ARMC9: variants seen among roughly 807,000 people sequenced by gnomAD.
ARMC9 encodes armadillo repeat containing 9.
In ARMC9, 94 loss-of-function variants were observed where a neutral mutation model predicts 107.0. The ratio of observed to expected loss-of-function variants is 0.88; its 90% confidence interval spans 0.74 to 1.04. The LOEUF (loss-of-function observed/expected upper bound fraction) is 1.04. Among genes scored for constraint, ARMC9 ranks in the 50% least tolerant of loss-of-function variants. The pLI is 0.00. For missense variants in ARMC9, 942 were observed against 1,030.1 expected, an observed-to-expected ratio of 0.91 and a Z score of 1.17; for synonymous variants, 380 against 396.9, an observed-to-expected ratio of 0.96 and a Z score of 0.51.
intron 12 of ARMC9, among the ~76,000 whole-genome samples, chr2:231,262,706 G>A (rs1352256925): frequency 6.6e-6 from 1 of 152,160 alleles, no homozygotes; most frequent in Non-Finnish European, 1.5e-5. Context: ...TGACTTCAGA[G>A]GGACAAGGTA....
intron 9 of ARMC9, among the ~76,000 whole-genome samples, chr2:231,250,822 G>A (rs918155026): frequency 7.9e-5 from 12 of 152,194 alleles, no homozygotes; most frequent in African/African-American, 2.9e-4. Flanking sequence ...CAGAGCAAAT[G>A]TGGACTTTGG....
intron 20 of ARMC9, among the ~76,000 whole-genome samples, chr2:231,332,418 C>T (rs988626929): frequency 5.3e-5 from 8 of 152,022 alleles, no homozygotes; most frequent in Non-Finnish European, 8.8e-5. Flanking sequence ...GTAGTCACTG[C>T]GTCTTCAGGA....
At chr2:231,295,447 A>G (rs2041292070) in intron 18 of ARMC9, 1 of 152,512 alleles carries the variant, frequency 6.6e-6, no homozygotes, top group African/African-American at 2.4e-5. Flanking sequence ...AGGAGAAAGT[A>G]CCAACACCTC....
chr2:231,366,214 T>G (rs1317721457), intron 23 of ARMC9, among the ~76,000 whole-genome samples: 1 of 148,324 alleles, frequency 6.7e-6, no homozygotes, highest in Non-Finnish European at 1.5e-5. Context: ...TCAGGGAATA[T>G]CAGTCTTTTT....
In ARMC9 at chr2:231,367,078, A is replaced by C. The variant is rs571102887; in HGVS notation, c.2262-2875A>C. On this transcript the variant is annotated intron_variant, in intron 23 of 24. Transcript: ENST00000611582. Reference sequence around the variant, plus strand: ...TGTTAGCCAGGATGGTCTCGATCTCATGACCTCGTGATCCCCCCGCCTCGG... The same window carrying C: ...TGTTAGCCAGGATGGTCTCGATCTCCTGACCTCGTGATCCCCCCGCCTCGG... Among the ~76,000 whole-genome samples, 396 of 151,444 alleles carry C rather than the reference A, an allele frequency of 2.6e-3. 1 individual carries two copies. Among genetic ancestry groups the C allele is most frequent in the African/African-American group, 9.0e-3 (372 of 41,374 alleles).
Position 231,279,997 on chromosome 2 carries a change from C to T in ARMC9, c.1551+1539C>T, listed in dbSNP as rs562689816. Among the ~76,000 whole-genome samples the T allele has an allele frequency of 8.5e-5, 13 of 152,330 alleles. No homozygotes were observed. In the South Asian group the frequency reaches 2.3e-3, roughly 27 times the overall value. On this transcript the variant is annotated intron_variant, in intron 16 of 24. Coordinates refer to ENST00000611582, the MANE Select transcript of ARMC9 (RefSeq NM_001352754.2). ...CCAGGCCTGAATGAACTCTGTTCCTCACTTTATTCAACTCAGGCAGGTGAA... is the reference window on the plus strand; with the variant it reads ...CCAGGCCTGAATGAACTCTGTTCCTTACTTTATTCAACTCAGGCAGGTGAA...
intron 9 of ARMC9, among the ~76,000 whole-genome samples, chr2:231,252,074 T>C (rs1486480541): frequency 6.6e-6 from 1 of 152,212 alleles, no homozygotes; most frequent in Non-Finnish European, 1.5e-5. Context: ...TTACTGCTTT[T>C]CAACCAGTTT....
chr2:231,217,270 T>C (rs915971865), intron 5 of ARMC9, among the ~76,000 whole-genome samples: 5 of 152,346 alleles, frequency 3.3e-5, no homozygotes, highest in African/African-American at 1.2e-4. Context: ...TTTAGGCATA[T>C]GTGTACCAGT....
intron 16 of ARMC9, among the ~76,000 whole-genome samples, chr2:231,280,936 A>G (rs1400219886): frequency 1.3e-5 from 2 of 152,170 alleles, no homozygotes; most frequent in Non-Finnish European, 2.9e-5. Flanking sequence ...TTTTTTACCC[A>G]TCAGCTTGGC....
At chr2:231,207,795 T>C (rs1559286050) in intron 2 of ARMC9, among the ~76,000 whole-genome samples, 1 of 152,238 alleles carries the variant, frequency 6.6e-6, no homozygotes, top group African/African-American at 2.4e-5. Context: ...TTTTATTTTT[T>C]TGAGGAACCT....
intron 21 of ARMC9, among the ~76,000 whole-genome samples, chr2:231,353,980 TACACACACACACACACACACAC>T (rs35433958): frequency 7.4e-5 from 10 of 135,292 alleles, no homozygotes; most frequent in African/African-American, 2.5e-4. Context: ...TATGTATATA[TACACACACACACACACACACAC>T]ACACACACAC....
At chr2:231,248,193 G>A (rs1179909671) in intron 9 of ARMC9, among the ~76,000 whole-genome samples, 2 of 152,158 alleles carry the variant, frequency 1.3e-5, no homozygotes, top group Admixed American at 6.5e-5. Context: ...CCTTTGCCTG[G>A]TAATGGGATC....
At chr2:231,215,649 G>A (rs2033416709) in intron 4 of ARMC9, among the ~76,000 whole-genome samples, 1 of 152,244 alleles carries the variant, frequency 6.6e-6, no homozygotes, top group Non-Finnish European at 1.5e-5. Context: ...CGGTGGCTGA[G>A]CTTTGAGTGC....
At chr2:231,199,734 C>G (rs1358761611) in intron 1 of ARMC9, among the ~76,000 whole-genome samples, 1 of 152,068 alleles carries the variant, frequency 6.6e-6, no homozygotes, top group Non-Finnish European at 1.5e-5. Flanking sequence ...CTTTCCCTGT[C>G]GCTCAGGCTG....
chr2:231,200,497 A>C (rs1416582160), intron 1 of ARMC9, among the ~76,000 whole-genome samples: 2 of 152,070 alleles, frequency 1.3e-5, no homozygotes, highest in Admixed American at 1.3e-4. Flanking sequence ...ACCTGGTGAA[A>C]CCCTGTCTCT....
intron 19 of ARMC9, among the ~76,000 whole-genome samples, chr2:231,309,438 A>G (rs1381470367): frequency 6.6e-6 from 1 of 152,204 alleles, no homozygotes; most frequent in Non-Finnish European, 1.5e-5. Context: ...GTAGTGAAGC[A>G]TATTTCTAGT....
chr2:231,339,808 T>G (rs991301833), intron 20 of ARMC9, among the ~76,000 whole-genome samples: 1 of 152,220 alleles, frequency 6.6e-6, no homozygotes, highest in African/African-American at 2.4e-5. Context: ...AGCACATGCC[T>G]GTAATCCCAG....
chr2:231,231,791 C>CA (rs778722115), intron 7 of ARMC9, among the ~76,000 whole-genome samples: 5 of 151,856 alleles, frequency 3.3e-5, no homozygotes, highest in Non-Finnish European at 5.9e-5. Context: ...CGGGTTCAAG[C>CA]AATTGTCCTG....
intron 3 of ARMC9, among the ~76,000 whole-genome samples, chr2:231,213,275 C>T (rs1429992329): frequency 6.6e-6 from 1 of 151,626 alleles, no homozygotes; most frequent in African/African-American, 2.4e-5. Flanking sequence ...ATGGTCCTCC[C>T]ACCTCAGCCT....
Sources: allele counts gnomAD v4.1 joint callset (sites outside exome capture counted in the v4.1 genomes callset), GRCh38; gene constraint gnomAD v4.1.1; transcripts MANE v1.5; gene names NCBI Gene and HGNC (gene_info 2026-07-23, HGNC 2026-07-21).